Variants in ZFYVE9 observed in about 807,000 individuals in gnomAD.
ZFYVE9 encodes zinc finger FYVE domain-containing protein 9.
A neutral mutation model predicts 126.7 loss-of-function variants in ZFYVE9; 43 were observed. That is an observed-to-expected ratio of 0.34 (90% CI 0.27 to 0.44). The LOEUF is 0.44. Ranked by LOEUF, ZFYVE9 falls within the 20% of genes least tolerant of loss-of-function variation. ZFYVE9 has a pLI of 1.00. For missense variants in ZFYVE9, 1,476 were observed against 1,697.0 expected (o/e 0.87, Z 2.29); for synonymous variants, 521 against 597.4 (o/e 0.87, Z 1.87).
intron 1 of ZFYVE9, among the ~76,000 whole-genome samples, chr1:52,164,289 C>G (rs920627035): frequency 1.3e-5 from 2 of 152,136 alleles, no homozygotes; most frequent in African/African-American, 4.8e-5. Context: ...TCTCGGCTCA[C>G]TGCAACCTCT....
chr1:52,280,237 G>A (rs1413034069), intron 9 of ZFYVE9, among the ~76,000 whole-genome samples: 1 of 148,616 alleles, frequency 6.7e-6, no homozygotes, highest in Admixed American at 6.7e-5. Context: ...AAAAAAAATT[G>A]GGCATGGTGA....
chr1:52,249,474 C>A (rs114150331), intron 4 of ZFYVE9, among the ~76,000 whole-genome samples: 15 of 152,022 alleles, frequency 9.9e-5, no homozygotes, highest in African/African-American at 3.6e-4. Flanking sequence ...GGTCTTTTGC[C>A]CATTTTTAAA....
intron 13 of ZFYVE9, among the ~76,000 whole-genome samples, chr1:52,312,139 G>A (rs896371961): frequency 9.9e-5 from 15 of 152,106 alleles, no homozygotes; most frequent in Non-Finnish European, 4.4e-5. Context: ...TCATTTTCAT[G>A]TGCTTGTAGG....
chr1:52,199,302 A>G (rs1644900826), intron 1 of ZFYVE9, among the ~76,000 whole-genome samples: 1 of 151,932 alleles, frequency 6.6e-6, no homozygotes, highest in African/African-American at 2.4e-5. Context: ...TGACCTCGTG[A>G]TCCACCCGCC....
At chr1:52,252,994 A>T (rs1190399821) in intron 4 of ZFYVE9, among the ~76,000 whole-genome samples, 4 of 152,168 alleles carry the variant, frequency 2.6e-5, no homozygotes, top group African/African-American at 9.6e-5. Flanking sequence ...CAGGCAGATC[A>T]CTTGAGCCCA....
chr1:52,297,754 G>T (rs774084342), intron 12 of ZFYVE9, among the ~76,000 whole-genome samples: 1 of 150,834 alleles, frequency 6.6e-6, no homozygotes, highest in Non-Finnish European at 1.5e-5. Flanking sequence ...ACAGAGTCTC[G>T]CACTGTCGCC....
chr1:52,285,683 T>C (rs778948012), intron 10 of ZFYVE9, among the ~76,000 whole-genome samples: 1 of 152,158 alleles, frequency 6.6e-6, no homozygotes, highest in Non-Finnish European at 1.5e-5. Context: ...TTCTACATTA[T>C]GGTGAGTTGT....
intron 1 of ZFYVE9, among the ~76,000 whole-genome samples, chr1:52,195,606 G>C (rs544884164): frequency 2.6e-4 from 39 of 152,246 alleles, no homozygotes; most frequent in Middle Eastern, 6.8e-3. Flanking sequence ...GCACTTGGAA[G>C]AGTGTCTGGT....
chr1:52,263,841 G>T lies in ZFYVE9; in HGVS notation c.2247G>T (p.Val749=). Residue 749 remains valine, a synonymous_variant, in exon 5 of 19, where the codon GTG becomes GTT. Coordinates refer to ENST00000287727, the MANE Select transcript of ZFYVE9 (RefSeq NM_004799.4). ...LLYMDRKEAR[V]CVICHSVLMN... ...ACATGGACAGAAAGGAAGCTAGAGT[G>T]TGTGTAATCTGCCATTCAGTGCTAA... The T allele has an allele frequency of 6.3e-7, 1 of 1,580,488 alleles. No homozygotes were observed. Among genetic ancestry groups the T allele is most frequent in the Non-Finnish European group, 8.6e-7 (1 of 1,160,706 alleles).
At chr1:52,338,526 T>C (rs193219865) in intron 16 of ZFYVE9, among the ~76,000 whole-genome samples, 4 of 152,344 alleles carry the variant, frequency 2.6e-5, no homozygotes, top group African/African-American at 7.2e-5. Flanking sequence ...CTGGAAAACA[T>C]TGCATTTATA....
At chr1:52,329,158 G>A (rs1248095523) in intron 13 of ZFYVE9, among the ~76,000 whole-genome samples, 13 of 152,130 alleles carry the variant, frequency 8.5e-5, no homozygotes, top group Admixed American at 3.3e-4. Flanking sequence ...ATTGCAAGCC[G>A]TATCAAAATT....
chr1:52,258,820 G>T (rs949988992), intron 4 of ZFYVE9, among the ~76,000 whole-genome samples: 1 of 151,518 alleles, frequency 6.6e-6, no homozygotes, highest in East Asian at 1.9e-4. Flanking sequence ...ACTGTTCTTC[G>T]GCCTGTGGGA....
chr1:52,202,729 A>G (rs1384803431), intron 1 of ZFYVE9, among the ~76,000 whole-genome samples: 1 of 152,012 alleles, frequency 6.6e-6, no homozygotes, highest in African/African-American at 2.4e-5. Flanking sequence ...TCTGTCACCC[A>G]GGCTGGAGTG....
rs188854489 is a variant in ZFYVE9 at position 52,162,271 on chromosome 1, A to G, written c.-143+19868A>G. On this transcript the variant is annotated intron_variant, in intron 1 of 18. Transcript: ENST00000287727. ...AAGGTGATCATCTTCTGTACCGGTA[A>G]TCATAGTCTTCATATCTGTCATATC... The G allele has an allele frequency of 8.2e-4, 275 of 335,276 alleles. 3 individuals carry two copies. Among genetic ancestry groups the G allele is most frequent in the Admixed American group, 5.5e-4 (18 of 32,450 alleles). 20.8% of individuals were successfully genotyped at this position (335,276 alleles called of 1,614,324 possible).
At chr1:52,174,967 G>A (rs1477393040) in intron 1 of ZFYVE9, among the ~76,000 whole-genome samples, 1 of 152,170 alleles carries the variant, frequency 6.6e-6, no homozygotes, top group African/African-American at 2.4e-5. Context: ...CAATTTGCCA[G>A]TCTGTGTCTT....
rs554198837 is a variant in ZFYVE9, at chr1:52,252,783, C to T, written c.2179-10990C>T. 1.4e-3 allele frequency: 574 copies of T among 415,998 alleles called. 3 individuals carry two copies. The highest frequency in any genetic ancestry group is 2.9e-3 in the Middle Eastern group (4 of 1,382). The allele number at this position is 415,998 out of a possible 1,614,324, so 25.8% of individuals were successfully genotyped here. ...CCACTGTACTGGCCATGGCTGGGCT[C>T]CCCTACTGCACCAGGAGCATGGCTC... On this transcript the variant is annotated intron_variant, in intron 4 of 18. Coordinates refer to ENST00000287727, the MANE Select transcript of ZFYVE9 (RefSeq NM_004799.4).
chr1:52,343,830 G>A (rs2147879893), intron 17 of ZFYVE9, among the ~76,000 whole-genome samples: 1 of 151,888 alleles, frequency 6.6e-6, no homozygotes, highest in Admixed American at 6.6e-5. Flanking sequence ...CCAGCTCTTT[G>A]GGAGGCCGAG....
At chr1:52,290,330 C>G (rs1645906227) in intron 10 of ZFYVE9, among the ~76,000 whole-genome samples, 1 of 152,168 alleles carries the variant, frequency 6.6e-6, no homozygotes, top group Non-Finnish European at 1.5e-5. Flanking sequence ...AGCATTAATC[C>G]AGTCACCTCT....
At chr1:52,259,135 A>G (rs1228747294) in intron 4 of ZFYVE9, among the ~76,000 whole-genome samples, 2 of 152,026 alleles carry the variant, frequency 1.3e-5, no homozygotes, top group East Asian at 1.9e-4. Context: ...GATCTCTTCC[A>G]TGTCTCTCTC....
Sources: gnomAD v4.1 joint callset for allele counts (sites outside exome capture counted in the v4.1 genomes callset) on GRCh38, gnomAD v4.1.1 for gene constraint, MANE v1.5 for transcripts, NCBI Gene and HGNC (gene_info 2026-07-23, HGNC 2026-07-21) for gene names.